The following SIGLEC5 variants were observed in gnomAD, a reference collection of about 807,000 sequenced individuals.
SIGLEC5 encodes sialic acid binding Ig like lectin 5.
In SIGLEC5, 34 loss-of-function variants were observed where a neutral mutation model predicts 45.9. The ratio of observed to expected loss-of-function variants is 0.74; its 90% CI spans 0.56 to 0.99. The LOEUF is 0.99. Ranked by LOEUF, SIGLEC5 falls within the 50% of genes least tolerant of loss-of-function variation. SIGLEC5 has a pLI of 0.00. For synonymous variants in SIGLEC5, 203 were observed against 258.6 expected (o/e 0.79, Z 2.06); for missense variants, 508 against 629.6 (o/e 0.81, Z 2.07).
Position 51,614,201 on chromosome 19 carries a change from G to A in SIGLEC5, c.1465-1779C>T, listed in dbSNP as rs138308312. ...ACTCTGTCATCCAGGCTGGAGGGCA[G>A]TGGTGTGATTTCGTCTCACTGCAAC... On this transcript the variant is annotated intron_variant, in intron 8 of 8. Transcript: ENST00000683636. Among the ~76,000 whole-genome samples the A allele has an allele frequency of 8.5e-3, 1,301 of 152,330 alleles. 22 individuals are homozygous for A. The highest frequency in any genetic ancestry group is 0.03 in the African/African-American group (1,256 of 41,560).
chr19:51,617,112 G>T (rs546130186), intron 8 of SIGLEC5, among the ~76,000 whole-genome samples: 1 of 151,326 alleles, frequency 6.6e-6, no homozygotes, highest in Admixed American at 6.6e-5. Context: ...AAAATTAGCC[G>T]GGCATGGTGG....
At position 51,629,183 on chromosome 19, in the gene SIGLEC5, C is replaced by T. The variant is rs1381600580; in HGVS notation, c.701-107G>A. ...ACAGAAACCCACCAAGCGGGGAAGG[C>T]TGTCCTGTCTCACTCCCCGCAGATC... is the stretch of plus-strand genomic sequence containing the variant. On this transcript the variant is annotated intron_variant, in intron 3 of 8. Coordinates refer to ENST00000683636, the MANE Select transcript of SIGLEC5 (RefSeq NM_003830.4). The T allele has an allele frequency of 5.3e-6, 8 of 1,518,172 alleles. No individual in the cohort carries two copies. The African/African-American group carries it at 9.7e-5, about 18-fold the overall frequency. The allele number at this position is 1,518,172 out of a possible 1,614,324, so 94.0% of individuals were successfully genotyped here.
At chr19:51,618,513 C>T (rs1182713093) in intron 8 of SIGLEC5, among the ~76,000 whole-genome samples, 1 of 147,486 alleles carries the variant, frequency 6.8e-6, no homozygotes, top group African/African-American at 2.5e-5. Flanking sequence ...CATTATGAGC[C>T]GGGCACAGTG....
At position 51,611,942 on chromosome 19, in the gene SIGLEC5, G is replaced by A. The variant is rs1982865409; in HGVS notation, c.*289C>T. ...AGGACCCATGTTGGTTGATTTCCAT[G>A]TGTTGATTTCTTTAATGTTCACAAC... is the stretch of plus-strand genomic sequence containing the variant. On this transcript the variant is annotated 3_prime_UTR_variant, in exon 9 of 9. Coordinates refer to ENST00000683636, the MANE Select transcript of SIGLEC5 (RefSeq NM_003830.4). 5.0e-6 allele frequency: 1 copy of A among 199,110 alleles called. No homozygotes were observed. The highest frequency in any genetic ancestry group is 2.3e-5 in the African/African-American group (1 of 43,014). 12.3% of individuals were successfully genotyped at this position (199,110 alleles called of 1,614,324 possible).
In SIGLEC5 at chr19:51,629,515, C is replaced by T. The variant is rs1217132416; in HGVS notation, c.543G>A (p.Thr181=). 4 of 1,600,224 alleles carry T rather than the reference C, an allele frequency of 2.5e-6. No individual in the cohort carries two copies. The highest frequency in any genetic ancestry group is 1.1e-5 in the South Asian group (1 of 89,972). ...GGTCCAGGGGGCTGAGGGCATTCCCCGTCCAGGAGAATGTGAGAGGTGGTC... is the reference window on the plus strand; with the variant it reads ...GGTCCAGGGGGCTGAGGGCATTCCCTGTCCAGGAGAATGTGAGAGGTGGTC... The part of the protein sequence containing the change: ...EAGPPLTFSW[T]GNALSPLDPE... The change falls in exon 3 of 9, where the codon ACG becomes ACA. Residue 181 remains threonine, a synonymous_variant. Transcript: ENST00000683636.
chr19:51,627,139 C>A lies in SIGLEC5; in HGVS notation c.1382+10G>T, dbSNP rs766245103. The A allele has an allele frequency of 2.5e-6, 4 of 1,609,358 alleles. No individual in the cohort carries two copies. In the South Asian group the frequency reaches 4.4e-5, roughly 18 times the overall value. On this transcript the variant is annotated intron_variant, in intron 7 of 8. Transcript: ENST00000683636. ...CACCACCCTGTACCTTCCCTGGGAC[C>A]AAGACTTACATTAAAAAGAAGATGA...
chr19:51,613,875 A>T (rs1434059666), intron 8 of SIGLEC5, among the ~76,000 whole-genome samples: 4 of 151,994 alleles, frequency 2.6e-5, no homozygotes, highest in African/African-American at 9.7e-5. Context: ...ACCCTGACCT[A>T]GGCAGGAGGA....
At chr19:51,626,895 TTTTTG>T (rs58875618) in intron 7 of SIGLEC5, among the ~76,000 whole-genome samples, 1 of 151,862 alleles carries the variant, frequency 6.6e-6, no homozygotes, top group Non-Finnish European at 1.5e-5. Flanking sequence ...TCAGTTCTGC[TTTTTG>T]TTTTGTTTTG....
Position 51,629,034 on chromosome 19 carries a change from C to T in SIGLEC5, c.739+4G>A, listed in dbSNP as rs368396637. 2 of 1,613,526 alleles carry T rather than the reference C, an allele frequency of 1.2e-6. No homozygotes were observed. Among genetic ancestry groups the T allele is most frequent in the Non-Finnish European group, 8.5e-7 (1 of 1,179,706 alleles). On this transcript the variant is annotated splice_donor_region_variant and intron_variant, in intron 4 of 8. Coordinates refer to ENST00000683636, the MANE Select transcript of SIGLEC5 (RefSeq NM_003830.4). The stretch of plus-strand genomic sequence containing the variant: ...CCCAGCTTCAGAGAGGAGGTCTTTC[C>T]TACCTATGCCGTTCCTGAAGATGGT...
intron 3 of SIGLEC5, 106 bp from the exon 4 acceptor site, chr19:51,629,182 G>C: frequency 6.6e-7 from 1 of 1,523,526 alleles, no homozygotes; most frequent in Non-Finnish European, 9.0e-7. Context: ...AGCGGGGAAG[G>C]CTGTCCTGTC....
intron 8 of SIGLEC5, among the ~76,000 whole-genome samples, chr19:51,615,767 G>A (rs1265216792): frequency 6.6e-6 from 1 of 152,162 alleles, no homozygotes; most frequent in Non-Finnish European, 1.5e-5. Flanking sequence ...CCACCCTGGG[G>A]CTTGTCCCAG....
intron 8 of SIGLEC5, among the ~76,000 whole-genome samples, chr19:51,615,206 C>T (rs537919181): frequency 2.2e-4 from 33 of 152,318 alleles, no homozygotes; most frequent in African/African-American, 7.9e-4. Context: ...TCTCCAAGAC[C>T]TACCAATGAT....
In SIGLEC5 at chr19:51,629,630, A is replaced by C. The variant is rs757641087; in HGVS notation, c.428T>G (p.Ile143Arg). ...CAGAAAGTGGATGTCGGGTTTCTCT[A>C]TCAGGGCTGAGGAGGAGACAGGGAG... ...NKLNLEVTAL[I>R]EKPDIHFLEP... Residue 143 changes from isoleucine to arginine, a missense_variant, in exon 3 of 9, where the codon ATA becomes AGA. By Grantham distance (97) the Ile-to-Arg change is moderately conservative. This residue lies in a region of SIGLEC5 where 77 missense variants were observed against 200.8 expected (regional missense o/e 0.38). Transcript: ENST00000683636. The C allele has an allele frequency of 2.9e-6, 4 of 1,359,324 alleles. No homozygotes were observed. The East Asian group carries it at 1.0e-4, about 34-fold the overall frequency. The allele number at this position is 1,359,324 out of a possible 1,614,324, so 84.2% of individuals were successfully genotyped here.
chr19:51,626,329 A>AC (rs1251483984), intron 7 of SIGLEC5, among the ~76,000 whole-genome samples: 1 of 151,638 alleles, frequency 6.6e-6, no homozygotes. Context: ...CATCATATAG[A>AC]CCCCCTCTTA....
chr19:51,625,372 T>C (rs977981089), intron 8 of SIGLEC5, among the ~76,000 whole-genome samples: 3 of 152,118 alleles, frequency 2.0e-5, no homozygotes, highest in Non-Finnish European at 4.4e-5. Flanking sequence ...AACAACAACA[T>C]TGAAACTCCA....
chr19:51,616,028 G>A (rs1037261201), intron 8 of SIGLEC5, among the ~76,000 whole-genome samples: 8 of 152,302 alleles, frequency 5.3e-5, no homozygotes, highest in South Asian at 2.1e-4. Flanking sequence ...TGCCCACCTC[G>A]GCCTCCCAAA....
chr19:51,628,480 A>G (rs4284742), intron 4 of SIGLEC5, among the ~76,000 whole-genome samples: 118,018 of 152,174 alleles, frequency 0.78, 45,843 homozygotes, highest in African/African-American at 0.83. Context: ...AGTGGTCCTT[A>G]GTGACTGTGG....
Position 51,612,224 on chromosome 19 carries a change from C to CA in SIGLEC5, c.*6dup. ...CCTCCAGCCAGGACTGAACTCTGGGCAAATCCTCACTTGCTTGTCTTGATC... is the reference window on the plus strand; with the variant it reads ...CCTCCAGCCAGGACTGAACTCTGGGCAAAATCCTCACTTGCTTGTCTTGATC... On this transcript the variant is annotated 3_prime_UTR_variant, in exon 9 of 9. Transcript: ENST00000683636. The CA allele has an allele frequency of 6.3e-7, 1 of 1,586,398 alleles. No homozygotes were observed. Among genetic ancestry groups the CA allele is most frequent in the South Asian group, 1.1e-5 (1 of 88,606 alleles).
intron 8 of SIGLEC5, among the ~76,000 whole-genome samples, chr19:51,613,958 A>G (rs1456474636): frequency 6.6e-6 from 1 of 152,152 alleles, no homozygotes; most frequent in African/African-American, 2.4e-5. Context: ...ACCAGAAAAG[A>G]GATGGCAATT....
Sources: allele counts gnomAD v4.1 joint callset (sites outside exome capture counted in the v4.1 genomes callset), GRCh38; gene constraint gnomAD v4.1.1; regional missense constraint gnomAD v4.1.1; transcripts MANE v1.5; gene names NCBI Gene and HGNC (gene_info 2026-07-23, HGNC 2026-07-21).